IQCK: variants seen among roughly 807,000 people sequenced by gnomAD.
The protein encoded by IQCK is IQ motif containing K.
IQCK carries 29 observed loss-of-function variants against 28.1 expected under a neutral mutation model. That is an observed-to-expected ratio of 1.03 (90% CI 0.77 to 1.41). The LOEUF (loss-of-function observed/expected upper bound fraction) is 1.41, where lower values mean the gene tolerates loss of function less well. Among genes scored for constraint, IQCK ranks in the 40% most tolerant of loss-of-function variants. The pLI is 0.00. For synonymous variants in IQCK, 113 were observed against 115.1 expected (o/e 0.98, Z 0.12); for missense variants, 359 against 314.7 (o/e 1.14, Z -1.07).
intron 4 of IQCK, among the ~76,000 whole-genome samples, chr16:19,753,941 C>T (rs925911453): frequency 6.6e-6 from 1 of 151,982 alleles, no homozygotes; most frequent in Admixed American, 6.6e-5. Context: ...AATTAACTTC[C>T]CAGAAGCTCC....
intron 3 of IQCK, among the ~76,000 whole-genome samples, chr16:19,734,761 A>G (rs1210091321): frequency 6.6e-6 from 1 of 150,398 alleles, no homozygotes; most frequent in African/African-American, 2.4e-5. Flanking sequence ...AGCCTGGGCG[A>G]CAGAGTGAGA....
At chr16:19,775,592 A>G (rs2055380513) in intron 6 of IQCK, among the ~76,000 whole-genome samples, 1 of 152,202 alleles carries the variant, frequency 6.6e-6, no homozygotes, top group African/African-American at 2.4e-5. Context: ...AACAATACCA[A>G]AATACCAGTG....
At chr16:19,837,157 T>G (rs1358256706) in intron 9 of IQCK, among the ~76,000 whole-genome samples, 1 of 152,138 alleles carries the variant, frequency 6.6e-6, no homozygotes, top group African/African-American at 2.4e-5. Context: ...TACCAACACT[T>G]TGGGAGGCCA....
At chr16:19,806,742 C>T (rs1183626948) in intron 7 of IQCK, among the ~76,000 whole-genome samples, 1 of 122,684 alleles carries the variant, frequency 8.2e-6, no homozygotes, top group East Asian at 2.6e-4. Flanking sequence ...AAGCAGTGAG[C>T]TAGAGGTGAA....
chr16:19,858,366 A>G (rs1682439900), exon 10 of IQCK: 1 of 454,854 alleles, frequency 2.2e-6, no homozygotes, highest in Non-Finnish European at 3.9e-6. Context: ...CATGGCTCAA[A>G]GATGGCTCTG....
intron 9 of IQCK, among the ~76,000 whole-genome samples, chr16:19,832,270 TATC>T: frequency 6.6e-6 from 1 of 152,178 alleles, no homozygotes; most frequent in Non-Finnish European, 1.5e-5. Context: ...ACATCATATA[TATC>T]ATCAGATAAA....
At chr16:19,722,151 G>A (rs1977515402) in intron 1 of IQCK, among the ~76,000 whole-genome samples, 1 of 152,052 alleles carries the variant, frequency 6.6e-6, no homozygotes, top group African/African-American at 2.4e-5. Flanking sequence ...TTCTCCCATT[G>A]CCTGGTTCTA....
intron 4 of IQCK, among the ~76,000 whole-genome samples, chr16:19,749,738 C>G (rs767513326): frequency 4.0e-5 from 6 of 151,480 alleles, no homozygotes; most frequent in Non-Finnish European, 8.8e-5. Flanking sequence ...TGCACTCCAG[C>G]CTGGGCAACA....
At chr16:19,851,859 G>A (rs918027363) in intron 9 of IQCK, among the ~76,000 whole-genome samples, 2 of 152,130 alleles carry the variant, frequency 1.3e-5, no homozygotes, top group African/African-American at 4.8e-5. Context: ...TCTCACCCCT[G>A]CTTCCCTCCC....
At chr16:19,736,033 T>G (rs1226741029) in intron 4 of IQCK, 3 of 448,942 alleles carry the variant, frequency 6.7e-6, no homozygotes, top group South Asian at 3.2e-5. Flanking sequence ...GTCACTGCAC[T>G]CCAGCCTGGG....
chr16:19,854,994 T>G (rs1199255630), intron 9 of IQCK, among the ~76,000 whole-genome samples: 2 of 152,210 alleles, frequency 1.3e-5, no homozygotes, highest in African/African-American at 4.8e-5. Context: ...AAATATTTTT[T>G]TCTGATTTGT....
At chr16:19,754,121 G>A (rs1380832285) in intron 4 of IQCK, among the ~76,000 whole-genome samples, 1 of 152,020 alleles carries the variant, frequency 6.6e-6, no homozygotes, top group African/African-American at 2.4e-5. Context: ...GAGCTGAGAC[G>A]GAGTTAACCA....
chr16:19,813,672 A>G (rs193011532), intron 7 of IQCK, among the ~76,000 whole-genome samples: 1 of 152,334 alleles, frequency 6.6e-6, no homozygotes, highest in Non-Finnish European at 1.5e-5. Flanking sequence ...TGAACCCACA[A>G]GGAAGGAGTG....
intron 4 of IQCK, among the ~76,000 whole-genome samples, chr16:19,763,053 C>T (rs994043744): frequency 1.3e-5 from 2 of 152,030 alleles, no homozygotes; most frequent in Non-Finnish European, 2.9e-5. Context: ...ACTTTTGACT[C>T]CCTCAAAACT....
intron 1 of IQCK, among the ~76,000 whole-genome samples, chr16:19,726,751 C>G (rs1266041856): frequency 6.6e-6 from 1 of 152,160 alleles, no homozygotes; most frequent in African/African-American, 2.4e-5. Flanking sequence ...TCCATTCGTT[C>G]ATTCATTCAG....
At chr16:19,845,533 A>G (rs2056407359) in intron 9 of IQCK, among the ~76,000 whole-genome samples, 1 of 152,236 alleles carries the variant, frequency 6.6e-6, no homozygotes, top group Non-Finnish European at 1.5e-5. Flanking sequence ...TCGAAGGACA[A>G]CCAGATGGTG....
chr16:19,809,007 G>A (rs756970347), intron 7 of IQCK, among the ~76,000 whole-genome samples: 9 of 152,158 alleles, frequency 5.9e-5, no homozygotes, highest in East Asian at 1.9e-4. Context: ...ACAGGCATGC[G>A]CCACCACGGC....
At chr16:19,837,644 A>G (rs191468362) in intron 9 of IQCK, among the ~76,000 whole-genome samples, 16 of 152,326 alleles carry the variant, frequency 1.1e-4, no homozygotes, top group African/African-American at 2.9e-4. Context: ...GGCTGGTTTT[A>G]GTAATATTTT....
intron 7 of IQCK, among the ~76,000 whole-genome samples, chr16:19,824,222 G>A (rs1369320780): frequency 6.6e-6 from 1 of 152,172 alleles, no homozygotes; most frequent in Non-Finnish European, 1.5e-5. Context: ...CATCTGGGGG[G>A]TGATGGGAGA....
Sources: allele counts gnomAD v4.1 joint callset (sites outside exome capture counted in the v4.1 genomes callset), GRCh38; gene constraint gnomAD v4.1.1; transcripts MANE v1.5; gene names NCBI Gene and HGNC (gene_info 2026-07-23, HGNC 2026-07-21).